PAN3: variants seen among roughly 807,000 people sequenced by gnomAD.
PAN3 encodes poly(A) specific ribonuclease subunit PAN3, also known as PAN2-PAN3 deadenylation complex subunit PAN3.
Under a neutral mutation model 96.2 loss-of-function variants are expected in PAN3, and 19 were observed. The ratio of observed to expected loss-of-function variants is 0.20; its 90% CI spans 0.14 to 0.29. The LOEUF (loss-of-function observed/expected upper bound fraction) is 0.29. PAN3 is among the 10% of genes least tolerant of loss of function. The probability of loss-of-function intolerance (pLI) is 1.00; values close to 1 mark genes in which losing one functional copy is unlikely to be tolerated. For missense variants in PAN3, 882 were observed against 1,108.1 expected, an observed-to-expected ratio of 0.80 and a Z score of 2.90; for synonymous variants, 433 against 406.6, an observed-to-expected ratio of 1.06 and a Z score of -0.78.
Position 28,260,526 on chromosome 13 carries a change from T to A in PAN3, c.1328T>A (p.Phe443Tyr). 6.2e-7 allele frequency: 1 copy of A among 1,612,482 alleles called. No individual in the cohort carries two copies. The change falls in exon 8 of 19, where the codon TTC becomes TAC. Residue 443 changes from phenylalanine to tyrosine, a missense_variant. By Grantham distance (22) the Phe-to-Tyr change is conservative (BLOSUM62 3). Transcript: ENST00000380958. ...YMQPKANAPS[F>Y]FMADELRQEL... ...CAACCGAAAGCAAACGCACCTTCCT[T>A]CTTCATGGCTGATGAACTCCGACAG... is the stretch of plus-strand genomic sequence containing the variant.
intron 9 of PAN3, 132 bp from the exon 10 acceptor site, chr13:28,266,583 T>C: frequency 1.6e-6 from 1 of 613,378 alleles, no homozygotes; most frequent in Non-Finnish European, 2.6e-6. Context: ...AATAAATGTT[T>C]ACACTATTCT....
chr13:28,186,982 G>A (rs1449389967), intron 4 of PAN3, among the ~76,000 whole-genome samples: 1 of 152,092 alleles, frequency 6.6e-6, no homozygotes, highest in Non-Finnish European at 1.5e-5. Context: ...GGGAAGATGA[G>A]GCAAGAGGAT....
chr13:28,243,599 C>T (rs1238376267), intron 6 of PAN3, among the ~76,000 whole-genome samples: 2 of 152,110 alleles, frequency 1.3e-5, no homozygotes, highest in Non-Finnish European at 2.9e-5. Context: ...TAATAATGGT[C>T]TGATTAAACT....
chr13:28,155,317 C>CG (rs1246982183), intron 1 of PAN3, among the ~76,000 whole-genome samples: 1 of 151,982 alleles, frequency 6.6e-6, no homozygotes, highest in Non-Finnish European at 1.5e-5. Flanking sequence ...CATATCAGGC[C>CG]GGACACAGTG....
chr13:28,235,722 CAT>C (rs1555285777), intron 6 of PAN3, among the ~76,000 whole-genome samples: 8 of 149,058 alleles, frequency 5.4e-5, no homozygotes, highest in African/African-American at 1.7e-4. Flanking sequence ...CACACACACA[CAT>C]ATATATATAT....
At chr13:28,227,571 C>T (rs1882132602) in intron 6 of PAN3, among the ~76,000 whole-genome samples, 1 of 152,066 alleles carries the variant, frequency 6.6e-6, no homozygotes. Flanking sequence ...CAGCATACCG[C>T]TTGGTTTCTG....
intron 6 of PAN3, among the ~76,000 whole-genome samples, chr13:28,236,510 G>A (rs1430655296): frequency 2.0e-5 from 3 of 152,190 alleles, no homozygotes; most frequent in East Asian, 1.9e-4. Context: ...TTTGAATGAG[G>A]ATGTAAAGGA....
chr13:28,267,366 C>T lies in PAN3; in HGVS notation c.1757C>T (p.Pro586Leu), dbSNP rs1356711471. 1 of 1,613,680 alleles carries T rather than the reference C, an allele frequency of 6.2e-7. No individual in the cohort carries two copies. The highest frequency in any genetic ancestry group is 8.5e-7 in the Non-Finnish European group (1 of 1,179,770). The stretch of plus-strand genomic sequence containing the variant: ...ATGATGAGCAGACACTTTAATGACC[C>T]TAATGCTGATGCCTACTTCACCAAG... ...ETMMSRHFND[P>L]NADAYFTKRK... The change falls in exon 12 of 19, where the codon CCT (proline) becomes CTT (leucine). Residue 586 changes from proline (P) to leucine (L), a missense_variant. Physicochemically the swap from Pro to Leu is moderately conservative, Grantham distance 98. Transcript: ENST00000380958.
Position 28,287,938 on chromosome 13 carries a change from G to A in PAN3, c.2385-46G>A, listed in dbSNP as rs373625583. On this transcript the variant is annotated intron_variant, in intron 17 of 18. Coordinates refer to ENST00000380958, the MANE Select transcript of PAN3 (RefSeq NM_175854.8). ...TCTAAAAAATAGACATATGGCCACA[G>A]ACCATACAGCATGAGTTACTGAGGT... 5.1e-6 allele frequency: 8 copies of A among 1,558,924 alleles called. No homozygotes were observed. The African/African-American group carries it at 8.3e-5, about 16-fold the overall frequency.
At chr13:28,257,715 T>C (rs939581341) in intron 7 of PAN3, among the ~76,000 whole-genome samples, 6 of 140,004 alleles carry the variant, frequency 4.3e-5, no homozygotes, top group Non-Finnish European at 7.6e-5. Context: ...ATATTATATA[T>C]AATTAATATA....
At chr13:28,211,108 C>A (rs563667935) in intron 5 of PAN3, among the ~76,000 whole-genome samples, 1 of 151,906 alleles carries the variant, frequency 6.6e-6, no homozygotes, top group Non-Finnish European at 1.5e-5. Flanking sequence ...TTCTTGTTGC[C>A]CAGGCTGATC....
rs1473964819 is a variant in PAN3, at chr13:28,220,330, T to C, written c.952T>C (p.Phe318Leu). 1.2e-6 allele frequency: 2 copies of C among 1,613,640 alleles called. No individual in the cohort carries two copies. Among genetic ancestry groups the C allele is most frequent in the Non-Finnish European group, 1.7e-6 (2 of 1,179,776 alleles). The change falls in exon 6 of 19, where the codon TTC becomes CTC. Residue 318 changes from phenylalanine (F) to leucine (L), a missense_variant. Physicochemically the swap from Phe to Leu is conservative, Grantham distance 22. Transcript: ENST00000380958. The part of the protein sequence containing the change: ...QSNMSAFSQV[F>L]SHPSMGSPAT... ...AAATATGTCTGCCTTCTCTCAAGTT[T>C]TCTCTCACCCATCCATGGGAAGCCC...
At chr13:28,212,297 C>T (rs987777042) in intron 5 of PAN3, among the ~76,000 whole-genome samples, 4 of 152,174 alleles carry the variant, frequency 2.6e-5, no homozygotes, top group Admixed American at 2.0e-4. Context: ...ATAAATTCTT[C>T]CCTGGTTCCT....
chr13:28,200,705 G>A (rs1410405978), intron 5 of PAN3, among the ~76,000 whole-genome samples: 5 of 152,156 alleles, frequency 3.3e-5, no homozygotes, highest in Admixed American at 6.5e-5. Context: ...AAACAGAGAA[G>A]CTTAAAATTT....
intron 1 of PAN3, among the ~76,000 whole-genome samples, chr13:28,145,117 A>G (rs1268131021): frequency 6.6e-6 from 1 of 152,178 alleles, no homozygotes; most frequent in Non-Finnish European, 1.5e-5. Context: ...AAATTGTAAG[A>G]TACAATACGG....
intron 4 of PAN3, among the ~76,000 whole-genome samples, chr13:28,181,543 C>T (rs149025684): frequency 1.9e-5 from 2 of 107,394 alleles, no homozygotes; most frequent in Non-Finnish European, 4.1e-5. Flanking sequence ...CAAAACAAAA[C>T]AAAGTACAGA....
intron 4 of PAN3, among the ~76,000 whole-genome samples, chr13:28,181,160 A>T (rs982059574): frequency 6.6e-6 from 1 of 152,204 alleles, no homozygotes; most frequent in Non-Finnish European, 1.5e-5. Context: ...TAAACTAAGA[A>T]ATACGGCTGA....
At chr13:28,212,180 G>A (rs954008886) in intron 5 of PAN3, among the ~76,000 whole-genome samples, 3 of 152,216 alleles carry the variant, frequency 2.0e-5, no homozygotes, top group Non-Finnish European at 2.9e-5. Flanking sequence ...GCCAGGAGTA[G>A]TTCCTGTTCT....
At chr13:28,271,447 A>T (rs578232730) in intron 13 of PAN3, among the ~76,000 whole-genome samples, 1 of 152,218 alleles carries the variant, frequency 6.6e-6, no homozygotes, top group Non-Finnish European at 1.5e-5. Flanking sequence ...ATTTAAGTTC[A>T]TATCCTGGCT....
Sources: gnomAD v4.1 joint callset for allele counts (sites outside exome capture counted in the v4.1 genomes callset) on GRCh38, gnomAD v4.1.1 for gene constraint, MANE v1.5 for transcripts, NCBI Gene and HGNC (gene_info 2026-07-23, HGNC 2026-07-21) for gene names.